CCDC146: variants seen among roughly 807,000 people sequenced by gnomAD.
CCDC146 encodes the protein coiled-coil domain-containing protein 146.
CCDC146 carries 92 observed loss-of-function variants against 119.3 expected under a neutral mutation model. The observed-to-expected ratio is 0.77, with a 90% CI of 0.65 to 0.92. The LOEUF is 0.92. CCDC146 is among the 40% of genes least tolerant of loss of function. The probability of loss-of-function intolerance (pLI) is 0.00; values close to 1 mark genes in which losing one functional copy is unlikely to be tolerated. For synonymous variants in CCDC146, 372 were observed against 371.8 expected (o/e 1.00, Z -0.01); for missense variants, 1,000 against 1,103.0 (o/e 0.91, Z 1.32).
chr7:77,161,439 A>G (rs1221195958), intron 1 of CCDC146, among the ~76,000 whole-genome samples: 1 of 152,020 alleles, frequency 6.6e-6, no homozygotes, highest in East Asian at 1.9e-4. Flanking sequence ...CATATACACC[A>G]TGGAATACTA....
At chr7:77,244,109 T>C (rs1792901301) in intron 4 of CCDC146, among the ~76,000 whole-genome samples, 1 of 152,154 alleles carries the variant, frequency 6.6e-6, no homozygotes, top group Admixed American at 6.5e-5. Flanking sequence ...AACTCCTGTA[T>C]GTCTTTGTTT....
Position 77,287,047 on chromosome 7 carries a change from A to G in CCDC146, c.2277+121A>G, listed in dbSNP as rs564424413. On this transcript the variant is annotated intron_variant, in intron 16 of 18. Transcript: ENST00000285871. ...ATCCTTCATTATTCTAGTCACTAAT[A>G]TAGTCCTTTTGTTGTAATCTAGTCA... 1.4e-4 allele frequency: 152 copies of G among 1,078,920 alleles called. No homozygotes were observed. In the African/African-American group the frequency reaches 2.0e-3, roughly 14 times the overall value. The allele number at this position is 1,078,920 out of a possible 1,614,324, so 66.8% of individuals were successfully genotyped here.
intron 1 of CCDC146, among the ~76,000 whole-genome samples, chr7:77,152,571 G>A (rs546212143): frequency 6.6e-6 from 1 of 152,266 alleles, no homozygotes; most frequent in South Asian, 2.1e-4. Context: ...CTTTAATGGT[G>A]TTCCTCCCTT....
intron 2 of CCDC146, among the ~76,000 whole-genome samples, chr7:77,179,339 G>A (rs1791545952): frequency 1.3e-5 from 2 of 151,992 alleles, no homozygotes; most frequent in Non-Finnish European, 2.9e-5. Flanking sequence ...ACAATGAAAA[G>A]TCAGCCTTCT....
chr7:77,196,922 G>A lies in CCDC146; in HGVS notation c.156+29098G>A, dbSNP rs371989577. ...TTTGGGATCAGGTGTAACTCTGTAG[G>A]TCTCACTGCTTCTTTTGCCTATTGC... On this transcript the variant is annotated intron_variant, in intron 2 of 18. Transcript: ENST00000285871. This position sits in a 1 kb window ranked among gnomAD's most constrained non-coding sequence, Gnocchi z 4.2. 3.0e-5 allele frequency: 49 copies of A among 1,613,576 alleles called. 1 individual carries two copies. Among genetic ancestry groups the A allele is most frequent in the South Asian group, 1.1e-5 (1 of 91,068 alleles).
chr7:77,201,671 C>T (rs552014761), intron 2 of CCDC146, among the ~76,000 whole-genome samples: 2 of 151,932 alleles, frequency 1.3e-5, no homozygotes, highest in South Asian at 4.1e-4. Flanking sequence ...ATGTTCTACA[C>T]ACCTTATGAC....
At chr7:77,264,838 T>C (rs13247525) in intron 9 of CCDC146, among the ~76,000 whole-genome samples, 2 of 152,250 alleles carry the variant, frequency 1.3e-5, no homozygotes, top group Non-Finnish European at 2.9e-5. Context: ...TTGTTTTAGA[T>C]ATGCATCAGT....
chr7:77,283,839 G>A (rs1266809172), intron 15 of CCDC146, among the ~76,000 whole-genome samples: 1 of 152,118 alleles, frequency 6.6e-6, no homozygotes, highest in East Asian at 1.9e-4. Flanking sequence ...ATGCTGTATA[G>A]ATAATAGCCT....
chr7:77,281,000 A>G (rs1268348489), intron 14 of CCDC146, among the ~76,000 whole-genome samples: 8 of 151,932 alleles, frequency 5.3e-5, no homozygotes, highest in African/African-American at 1.7e-4. Context: ...CTACTTGGGA[A>G]GCTGCAGCAC....
rs1362601642 is a variant in CCDC146 at position 77,294,681 on chromosome 7, A to T, written c.2683A>T (p.Asn895Tyr). ...TTTGCAGGAGTTCTTGGAAGCAGATAATCGCCAGCTGCCCAATGGTGTTTA... is the reference window on the plus strand; with the variant it reads ...TTTGCAGGAGTTCTTGGAAGCAGATTATCGCCAGCTGCCCAATGGTGTTTA... ...EKSQEFLEAD[N>Y]RQLPNGVYTT... The change falls in exon 19 of 19, where the codon AAT becomes TAT. Residue 895 changes from asparagine (N) to tyrosine (Y), a missense_variant. Transcript: ENST00000285871. 1 of 1,614,152 alleles carries T rather than the reference A, an allele frequency of 6.2e-7. No homozygotes were observed. The highest frequency in any genetic ancestry group is 8.5e-7 in the Non-Finnish European group (1 of 1,180,000).
At chr7:77,290,441 C>G (rs1253076589) in intron 17 of CCDC146, among the ~76,000 whole-genome samples, 1 of 151,924 alleles carries the variant, frequency 6.6e-6, no homozygotes, top group African/African-American at 2.4e-5. Context: ...GAAAATGACT[C>G]CCCCCAAAGA....
rs1793177827 is a variant in CCDC146 at position 77,256,346 on chromosome 7, A to T, written c.521A>T (p.Lys174Met). 1 of 1,591,060 alleles carries T rather than the reference A, an allele frequency of 6.3e-7. No homozygotes were observed. ...CGACTTTTAAAGGAAATGGAGAAGA[A>T]GATGAAAATATTGAGAGAAAGCACT... is the stretch of plus-strand genomic sequence containing the variant. ...KITKPGEMEK[K>M]MKILRESTEE... Residue 174 changes from lysine to methionine, a missense_variant, in exon 6 of 19, where the codon AAG (lysine) becomes ATG (methionine). By Grantham distance (95) the Lys-to-Met change is moderately conservative. This residue lies in a region of CCDC146 where 985 missense variants were observed against 1,045.3 expected (regional missense o/e 0.94). Transcript: ENST00000285871.
At chr7:77,132,076 A>G (rs1311866778) in intron 1 of CCDC146, among the ~76,000 whole-genome samples, 1 of 152,184 alleles carries the variant, frequency 6.6e-6, no homozygotes, top group African/African-American at 2.4e-5. Flanking sequence ...TGAATTTCAA[A>G]AAATCATGCA....
chr7:77,175,372 G>C (rs1791485514), intron 2 of CCDC146, among the ~76,000 whole-genome samples: 1 of 149,732 alleles, frequency 6.7e-6, no homozygotes, highest in East Asian at 2.0e-4. Flanking sequence ...GGAGGCATAG[G>C]AGCATTGCAT....
intron 2 of CCDC146, among the ~76,000 whole-genome samples, chr7:77,213,804 TTC>T (rs1263155895): frequency 6.6e-6 from 1 of 152,256 alleles, no homozygotes; most frequent in Non-Finnish European, 1.5e-5. Flanking sequence ...CATGATTTCA[TTC>T]TTTTTTATGA....
At chr7:77,197,463 C>T (rs1791895951) in intron 2 of CCDC146, among the ~76,000 whole-genome samples, 1 of 152,230 alleles carries the variant, frequency 6.6e-6, no homozygotes, top group African/African-American at 2.4e-5. Context: ...AGGACACTAA[C>T]TCAGATCTGG....
intron 2 of CCDC146, among the ~76,000 whole-genome samples, chr7:77,226,467 C>G (rs1382884896): frequency 6.6e-6 from 1 of 152,220 alleles, no homozygotes; most frequent in Non-Finnish European, 1.5e-5. Flanking sequence ...GGTGAAAGCT[C>G]TTACTGAGCT....
chr7:77,146,096 G>T (rs563645420), intron 1 of CCDC146, among the ~76,000 whole-genome samples: 67 of 152,050 alleles, frequency 4.4e-4, no homozygotes, highest in Admixed American at 1.6e-3. Context: ...ATGAATCTGG[G>T]TGCTCTTGTA....
At chr7:77,179,172 C>A (rs932044065) in intron 2 of CCDC146, among the ~76,000 whole-genome samples, 1 of 151,964 alleles carries the variant, frequency 6.6e-6, no homozygotes, top group Non-Finnish European at 1.5e-5. Context: ...CAGTGAGATG[C>A]AAGCCAGACT....
Sources: allele counts gnomAD v4.1 joint callset (sites outside exome capture counted in the v4.1 genomes callset), GRCh38; gene constraint gnomAD v4.1.1; regional missense constraint gnomAD v4.1.1; non-coding constraint Gnocchi (gnomAD v3.1); transcripts MANE v1.5; gene names NCBI Gene and HGNC (gene_info 2026-07-23, HGNC 2026-07-21).